USP10: variants seen among roughly 807,000 people sequenced by gnomAD.
USP10 encodes ubiquitin carboxyl-terminal hydrolase 10.
Under a neutral mutation model 84.5 loss-of-function variants are expected in USP10, and 22 were observed. The observed-to-expected ratio is 0.26, with a 90% CI of 0.19 to 0.37. The LOEUF is 0.37. Ranked by LOEUF, USP10 falls within the 10% of genes least tolerant of loss-of-function variation. The pLI is 1.00. For synonymous variants in USP10, 454 were observed against 387.6 expected, an observed-to-expected ratio of 1.17 and a Z score of -2.01; for missense variants, 1,019 against 998.9, an observed-to-expected ratio of 1.02 and a Z score of -0.27.
intron 12 of USP10, among the ~76,000 whole-genome samples, chr16:84,773,266 G>C (rs1379319674): frequency 6.6e-6 from 1 of 152,192 alleles, no homozygotes; most frequent in Non-Finnish European, 1.5e-5. Context: ...TTGTGAAAAC[G>C]TATAGTACAA....
chr16:84,761,726 C>T (rs149913717), intron 8 of USP10, among the ~76,000 whole-genome samples: 75 of 152,406 alleles, frequency 4.9e-4, no homozygotes, highest in African/African-American at 1.8e-3. Flanking sequence ...GCAGAAAGCA[C>T]ATTGCTTGCG....
intron 11 of USP10, among the ~76,000 whole-genome samples, chr16:84,770,643 G>A (rs926788444): frequency 7.9e-5 from 12 of 151,900 alleles, no homozygotes; most frequent in African/African-American, 2.7e-4. Context: ...ATGGTGGCAG[G>A]CGCCTGTAAT....
At chr16:84,714,932 A>ATT (rs61139585) in intron 1 of USP10, among the ~76,000 whole-genome samples, 5 of 140,468 alleles carry the variant, frequency 3.6e-5, no homozygotes, top group African/African-American at 8.5e-5. Context: ...TATTATTATT[A>ATT]TTATTTTTTT....
intron 1 of USP10, among the ~76,000 whole-genome samples, chr16:84,709,618 C>G (rs775470365): frequency 6.6e-6 from 1 of 152,052 alleles, no homozygotes. Flanking sequence ...GGACTTTTGA[C>G]TCGGAGGGTG....
At chr16:84,757,094 A>G (rs1912629802) in intron 4 of USP10, among the ~76,000 whole-genome samples, 1 of 152,184 alleles carries the variant, frequency 6.6e-6, no homozygotes, top group Non-Finnish European at 1.5e-5. Flanking sequence ...ATTATGAATA[A>G]TATACACAAA....
chr16:84,765,163 ATATT>A (rs2150859904), intron 10 of USP10, among the ~76,000 whole-genome samples: 1 of 152,104 alleles, frequency 6.6e-6, no homozygotes, highest in East Asian at 1.9e-4. Flanking sequence ...TAAATTGTGT[ATATT>A]TAAAGTATAC....
rs551206879 is a variant in USP10, at chr16:84,759,841, G to C, written c.1395-50G>C. 4 of 1,563,988 alleles carry C rather than the reference G, an allele frequency of 2.6e-6. No individual in the cohort carries two copies. The East Asian group carries it at 9.0e-5, about 35-fold the overall frequency. ...TAGCCATCAAAGCTCTTTAGTAAAA[G>C]TATATATTGTTTAAAACTGCACTAT... On this transcript the variant is annotated intron_variant, in intron 6 of 13. Coordinates refer to ENST00000219473, the MANE Select transcript of USP10 (RefSeq NM_005153.3).
intron 1 of USP10, among the ~76,000 whole-genome samples, chr16:84,723,394 A>G (rs1326399812): frequency 6.6e-6 from 1 of 152,114 alleles, no homozygotes; most frequent in Non-Finnish European, 1.5e-5. Flanking sequence ...TTATTTGAAG[A>G]TTATATTTGA....
intron 1 of USP10, chr16:84,704,842 C>T: frequency 6.5e-7 from 1 of 1,535,730 alleles, no homozygotes; most frequent in Non-Finnish European, 8.7e-7. Flanking sequence ...CCTGGTTGCC[C>T]TCTCCTGGAA....
intron 4 of USP10, among the ~76,000 whole-genome samples, chr16:84,748,352 G>A (rs960960239): frequency 2.0e-5 from 3 of 151,686 alleles, no homozygotes; most frequent in Non-Finnish European, 2.9e-5. Context: ...CGCCCAGGCC[G>A]GAATGCAGTG....
At chr16:84,750,631 C>G (rs1179357584) in intron 4 of USP10, among the ~76,000 whole-genome samples, 3 of 152,168 alleles carry the variant, frequency 2.0e-5, no homozygotes, top group Admixed American at 1.3e-4. Flanking sequence ...AAGGAACATT[C>G]CTCATATACT....
Position 84,740,310 on chromosome 16 carries a change from T to C in USP10, c.92T>C (p.Leu31Pro). ...FFVTPRSSVE[L>P]PPYSGTVLCG... ...TTTGTTTTCTGATTCCTTGTGCAGC[T>C]TCCTCCATACAGTGGAACAGTTCTG... Residue 31 changes from leucine to proline, a missense_variant and splice_region_variant, in exon 3 of 14, where the codon CTT (leucine) becomes CCT (proline). Physicochemically the swap from Leu to Pro is moderately conservative, Grantham distance 98 (BLOSUM62 -3). This residue lies in a region of USP10 where 787 missense variants were observed against 708.8 expected (regional missense o/e 1.11). Coordinates refer to ENST00000219473, the MANE Select transcript of USP10 (RefSeq NM_005153.3). The C allele has an allele frequency of 1.2e-6, 2 of 1,609,258 alleles. No homozygotes were observed. The highest frequency in any genetic ancestry group is 1.7e-6 in the Non-Finnish European group (2 of 1,177,486).
Position 84,760,202 on chromosome 16 carries a change from G to A in USP10, c.1481G>A (p.Arg494His), listed in dbSNP as rs762478623. ...ALGDKIVRDIRPGAAFEPTYI... is the reference protein window; with the variant it reads ...ALGDKIVRDIHPGAAFEPTYI... ...GGAGATAAAATCGTGAGGGATATTC[G>A]CCCTGGAGCTGCCTTTGAGCCCACA... The change falls in exon 8 of 14, where the codon CGC becomes CAC. Residue 494 changes from arginine to histidine, a missense_variant. Physicochemically the swap from Arg to His is conservative, Grantham distance 29 (BLOSUM62 0). Transcript: ENST00000219473. The A allele has an allele frequency of 9.3e-6, 15 of 1,610,240 alleles. No homozygotes were observed. Among genetic ancestry groups the A allele is most frequent in the African/African-American group, 4.0e-5 (3 of 74,852 alleles).
intron 1 of USP10, among the ~76,000 whole-genome samples, chr16:84,732,273 G>C (rs748173592): frequency 1.3e-5 from 2 of 152,078 alleles, no homozygotes; most frequent in Non-Finnish European, 2.9e-5. Context: ...GAAGCTACTA[G>C]ACTGTTTAGT....
intron 1 of USP10, among the ~76,000 whole-genome samples, chr16:84,713,007 C>G (rs1200123427): frequency 6.6e-6 from 1 of 152,236 alleles, no homozygotes; most frequent in Non-Finnish European, 1.5e-5. Flanking sequence ...CGCAGGCCTG[C>G]TTACAGCAAA....
At chr16:84,775,386 A>T (rs116714164) in intron 13 of USP10, among the ~76,000 whole-genome samples, 161 bp downstream of exon 13, 50 of 152,126 alleles carry the variant, frequency 3.3e-4, no homozygotes, top group African/African-American at 1.2e-3. Context: ...TTTACCTGAA[A>T]CTCTGCGTAG....
intron 1 of USP10, chr16:84,732,960 A>G (rs1336887247): frequency 2.5e-6 from 1 of 404,210 alleles, no homozygotes; most frequent in African/African-American, 2.1e-5. Context: ...TTATATAGAT[A>G]TTTTTAAAGA....
At chr16:84,767,465 C>T (rs1326621492) in intron 10 of USP10, among the ~76,000 whole-genome samples, 1 of 152,174 alleles carries the variant, frequency 6.6e-6, no homozygotes, top group Non-Finnish European at 1.5e-5. Context: ...TACTCCCCTT[C>T]TTCTTTTTGT....
chr16:84,779,155 C>G lies in USP10; in HGVS notation c.*73C>G, dbSNP rs1182525991. ...CACCTCACACTCACTTCCCGCCTCT[C>G]TTTAGTGGCTCTTTAGAGAGAAACT... On this transcript the variant is annotated 3_prime_UTR_variant, in exon 14 of 14. Transcript: ENST00000219473. 6.6e-7 allele frequency: 1 copy of G among 1,519,284 alleles called. No individual in the cohort carries two copies. Among genetic ancestry groups the G allele is most frequent in the African/African-American group, 1.4e-5 (1 of 72,810 alleles). 94.1% of individuals were successfully genotyped at this position (1,519,284 alleles called of 1,614,324 possible). A position where few individuals can be genotyped will look rare whatever the true frequency, so the allele number is the denominator to read the frequency against.
Sources: allele counts gnomAD v4.1 joint callset (sites outside exome capture counted in the v4.1 genomes callset), GRCh38; gene constraint gnomAD v4.1.1; regional missense constraint gnomAD v4.1.1; transcripts MANE v1.5; gene names NCBI Gene and HGNC (gene_info 2026-07-23, HGNC 2026-07-21).